The following SLC9A9 variants were observed in gnomAD, a reference collection of about 807,000 sequenced individuals.
SLC9A9 encodes solute carrier family 9 member A9, also known as sodium/hydrogen exchanger 9.
Under a neutral mutation model 77.8 loss-of-function variants are expected in SLC9A9, and 62 were observed. The observed-to-expected ratio is 0.80, with a 90% CI of 0.65 to 0.98. The LOEUF (loss-of-function observed/expected upper bound fraction) is 0.98. Among genes scored for constraint, SLC9A9 ranks in the 50% least tolerant of loss-of-function variants. The pLI, the probability that SLC9A9 is intolerant of heterozygous loss-of-function variation, is 0.00. For missense variants in SLC9A9, 775 were observed against 774.9 expected (o/e 1.00, Z 0.00); for synonymous variants, 320 against 283.5 (o/e 1.13, Z -1.29).
intron 14 of SLC9A9, among the ~76,000 whole-genome samples, chr3:143,352,994 C>T (rs532900978): frequency 1.2e-4 from 19 of 152,304 alleles, no homozygotes; most frequent in African/African-American, 3.8e-4. Flanking sequence ...GGGACACATG[C>T]GGTCCCTACA....
intron 2 of SLC9A9, among the ~76,000 whole-genome samples, chr3:143,798,751 C>T (rs190934768): frequency 3.9e-5 from 6 of 152,250 alleles, no homozygotes; most frequent in African/African-American, 7.2e-5. Flanking sequence ...AGGTGCATGA[C>T]ATCCAGGCAC....
At chr3:143,840,850 T>A (rs538100128) in intron 1 of SLC9A9, among the ~76,000 whole-genome samples, 4 of 152,288 alleles carry the variant, frequency 2.6e-5, no homozygotes, top group Admixed American at 2.0e-4. Context: ...GCAGAGTTGG[T>A]TAAGTCATAA....
At chr3:143,277,592 C>CAGAT (rs907901607) in intron 14 of SLC9A9, among the ~76,000 whole-genome samples, 17 of 152,270 alleles carry the variant, frequency 1.1e-4, no homozygotes, top group Admixed American at 1.0e-3. Context: ...TGCCACCTAC[C>CAGAT]AGATACAGAT....
intron 12 of SLC9A9, among the ~76,000 whole-genome samples, chr3:143,391,865 G>A (rs2033574501): frequency 6.6e-6 from 1 of 152,276 alleles, no homozygotes; most frequent in South Asian, 2.1e-4. Flanking sequence ...TTGAAGATCA[G>A]ATGAATGAAA....
At chr3:143,619,027 C>A (rs984705500) in intron 6 of SLC9A9, among the ~76,000 whole-genome samples, 2 of 152,102 alleles carry the variant, frequency 1.3e-5, no homozygotes, top group African/African-American at 4.8e-5. Context: ...AATAATTTTA[C>A]AGAAGAGAAA....
chr3:143,335,916 C>T (rs1311207930), intron 14 of SLC9A9, among the ~76,000 whole-genome samples: 1 of 152,080 alleles, frequency 6.6e-6, no homozygotes. Flanking sequence ...AATGGTACTA[C>T]ATCTTCTACA....
At chr3:143,331,148 T>C (rs1006350680) in intron 14 of SLC9A9, among the ~76,000 whole-genome samples, 1 of 151,706 alleles carries the variant, frequency 6.6e-6, no homozygotes, top group African/African-American at 2.4e-5. Flanking sequence ...GAGACAATCC[T>C]GAGCATTCCC....
At chr3:143,422,790 C>T (rs2034323463) in intron 12 of SLC9A9, among the ~76,000 whole-genome samples, 1 of 152,216 alleles carries the variant, frequency 6.6e-6, no homozygotes. Flanking sequence ...AGTTGTGTCA[C>T]TGTTCAAGAT....
intron 6 of SLC9A9, among the ~76,000 whole-genome samples, chr3:143,610,598 G>C (rs1488465510): frequency 6.6e-6 from 1 of 152,078 alleles, no homozygotes; most frequent in Non-Finnish European, 1.5e-5. Context: ...AACCAAAAAG[G>C]TTCTGGACTA....
intron 12 of SLC9A9, among the ~76,000 whole-genome samples, chr3:143,427,967 T>G (rs1188275348): frequency 6.6e-6 from 1 of 152,220 alleles, no homozygotes; most frequent in Non-Finnish European, 1.5e-5. Context: ...AAATGCAGGA[T>G]GCAGATTATG....
intron 2 of SLC9A9, among the ~76,000 whole-genome samples, chr3:143,819,704 T>C: frequency 6.6e-6 from 1 of 152,238 alleles, no homozygotes; most frequent in Non-Finnish European, 1.5e-5. Context: ...TTTGACTTCC[T>C]CACATATAAC....
intron 2 of SLC9A9, among the ~76,000 whole-genome samples, chr3:143,801,246 C>T (rs114073103): frequency 0.015 from 2,351 of 152,288 alleles, 24 homozygotes; most frequent in Non-Finnish European, 0.025. Flanking sequence ...CGGGACCGCG[C>T]CCTGTAGACC....
chr3:143,618,962 C>A (rs1312952942), intron 6 of SLC9A9, among the ~76,000 whole-genome samples: 2 of 151,952 alleles, frequency 1.3e-5, no homozygotes, highest in Non-Finnish European at 2.9e-5. Flanking sequence ...ACCATGAAAC[C>A]CTGCATTTTG....
intron 2 of SLC9A9, among the ~76,000 whole-genome samples, chr3:143,817,133 A>T (rs998743333): frequency 1.3e-3 from 169 of 131,544 alleles, no homozygotes; most frequent in African/African-American, 4.3e-3. Context: ...GCAAAAGTTT[A>T]TTTTTTTTTT....
intron 12 of SLC9A9, among the ~76,000 whole-genome samples, chr3:143,388,482 TCA>T (rs1189725428): frequency 2.6e-5 from 4 of 152,214 alleles, no homozygotes; most frequent in African/African-American, 9.6e-5. Flanking sequence ...TTTGCAAATC[TCA>T]GTTTTCCCAA....
chr3:143,780,485 G>T (rs577817554), intron 4 of SLC9A9, among the ~76,000 whole-genome samples: 2 of 152,282 alleles, frequency 1.3e-5, no homozygotes, highest in Admixed American at 6.5e-5. Context: ...AAGTTTTTAC[G>T]CAATCATTGA....
At chr3:143,294,100 A>T (rs1227426459) in intron 14 of SLC9A9, among the ~76,000 whole-genome samples, 4 of 152,196 alleles carry the variant, frequency 2.6e-5, no homozygotes, top group Admixed American at 1.3e-4. Context: ...AAAGTTGGAT[A>T]AAAAAATCAA....
intron 14 of SLC9A9, among the ~76,000 whole-genome samples, chr3:143,338,222 G>T (rs1468096046): frequency 6.6e-6 from 1 of 152,206 alleles, no homozygotes; most frequent in African/African-American, 2.4e-5. Flanking sequence ...CAACCCAGTT[G>T]TGCCTAAATA....
At chr3:143,715,641 T>A (rs1307662498) in intron 4 of SLC9A9, among the ~76,000 whole-genome samples, 1 of 152,124 alleles carries the variant, frequency 6.6e-6, no homozygotes, top group African/African-American at 2.4e-5. Flanking sequence ...CATGGACACA[T>A]AGGTGCTCAG....
Sources: allele counts gnomAD v4.1 joint callset (sites outside exome capture counted in the v4.1 genomes callset), GRCh38; gene constraint gnomAD v4.1.1; transcripts MANE v1.5; gene names NCBI Gene and HGNC (gene_info 2026-07-23, HGNC 2026-07-21).